Variants in RAP1B observed in about 807,000 individuals in gnomAD.
The protein encoded by RAP1B is RAP1B, member of RAS oncogene family.
In RAP1B, 1 loss-of-function variant was observed where a neutral mutation model predicts 27.5. The observed-to-expected ratio is 0.04, with a 90% confidence interval of 0.01 to 0.17. The LOEUF is 0.17. RAP1B is among the 10% of genes least tolerant of loss of function. RAP1B has a pLI of 1.00. For synonymous variants in RAP1B, 75 were observed against 73.1 expected (o/e 1.03, Z -0.13); for missense variants, 84 against 214.8 (o/e 0.39, Z 3.81).
chr12:68,617,537 A>C (rs1258008943), intron 1 of RAP1B, among the ~76,000 whole-genome samples: 3 of 152,208 alleles, frequency 2.0e-5, no homozygotes, highest in African/African-American at 7.2e-5. Context: ...TGTCTTTTTG[A>C]CGTTCTTACC....
Position 68,669,961 on chromosome 12 carries a change from AGTTTCCCTCTT to A in RAP1B, c.*10716_*10726del, listed in dbSNP as rs1875020342. ...TTTTTTTTTTTTTTTTTTTTGAGAC[AGTTTCCCTCTT>A]GTTGCCCAGACTGGAGTATAATGGC... On this transcript the variant is annotated 3_prime_UTR_variant, in exon 8 of 8. Coordinates refer to ENST00000250559, the MANE Select transcript of RAP1B (RefSeq NM_001010942.3). 8.9e-6 allele frequency: 1 copy of A among 112,492 alleles called. No individual in the cohort carries two copies. The highest frequency in any genetic ancestry group is 2.4e-4 in the East Asian group (1 of 4,202). 7.0% of individuals were successfully genotyped at this position (112,492 alleles called of 1,614,324 possible).
intron 1 of RAP1B, among the ~76,000 whole-genome samples, chr12:68,614,170 G>C (rs1246100923): frequency 1.3e-5 from 2 of 151,882 alleles, no homozygotes; most frequent in Admixed American, 6.5e-5. Flanking sequence ...GGTTTTTTTT[G>C]CCTTTTGTTG....
intron 1 of RAP1B, among the ~76,000 whole-genome samples, chr12:68,637,147 TATAGACCAA>T (rs1474776153): frequency 6.6e-6 from 1 of 152,216 alleles, no homozygotes; most frequent in Non-Finnish European, 1.5e-5. Flanking sequence ...AGCAAACATT[TATAGACCAA>T]ATAGTGGGTA....
intron 1 of RAP1B, among the ~76,000 whole-genome samples, chr12:68,646,845 AC>A (rs142591409): frequency 1.8e-3 from 269 of 152,298 alleles, no homozygotes; most frequent in African/African-American, 6.0e-3. Flanking sequence ...GAAAACAAAG[AC>A]CTTTTTATTT....
intron 5 of RAP1B, among the ~76,000 whole-genome samples, chr12:68,655,116 C>G (rs1183948795): frequency 6.6e-6 from 1 of 151,930 alleles, no homozygotes; most frequent in Non-Finnish European, 1.5e-5. Flanking sequence ...TTCAAGACCT[C>G]CCTGGGCAAC....
At position 68,662,946 on chromosome 12, in the gene RAP1B, G is replaced by T. The variant is rs532289051; in HGVS notation, c.*3697G>T. The T allele has an allele frequency of 6.6e-6, 1 of 151,760 alleles. No homozygotes were observed. Among genetic ancestry groups the T allele is most frequent in the Non-Finnish European group, 1.5e-5 (1 of 68,012 alleles). 9.4% of individuals were successfully genotyped at this position (151,760 alleles called of 1,614,324 possible). A position where few individuals can be genotyped will look rare whatever the true frequency, so the allele number is the denominator to read the frequency against. On this transcript the variant is annotated 3_prime_UTR_variant, in exon 8 of 8. Coordinates refer to ENST00000250559, the MANE Select transcript of RAP1B (RefSeq NM_001010942.3). ...ATCAAGGATACAGTGAACTGTGTTC[G>T]CGCCACTGCACCCCCACGATGGCAA...
chr12:68,653,208 C>G (rs185560845), intron 4 of RAP1B, among the ~76,000 whole-genome samples: 102 of 152,076 alleles, frequency 6.7e-4, no homozygotes, highest in Admixed American at 5.8e-3. Context: ...GACTCCATTT[C>G]AAAAGAAAAA....
In RAP1B at chr12:68,654,177, C is replaced by T. The variant is rs137877515; in HGVS notation, c.249C>T (p.Ser83=). 1,164 of 1,597,960 alleles carry T rather than the reference C, an allele frequency of 7.3e-4. 20 individuals are homozygous for T. The Admixed American group carries it at 0.018, about 25-fold the overall frequency. The part of the protein sequence containing the change: ...KNGQGFALVY[S]ITAQSTFNDL... The stretch of plus-strand genomic sequence containing the variant: ...GACAAGGATTTGCATTAGTTTATTC[C>T]ATCACAGCACAGTCCACATTTAACG... The change falls in exon 5 of 8, where the codon TCC becomes TCT. Residue 83 remains serine (S), a synonymous_variant. Transcript: ENST00000250559.
chr12:68,618,086 CTTTTTTTT>C (rs36224976), intron 1 of RAP1B, among the ~76,000 whole-genome samples: 863 of 60,812 alleles, frequency 0.014, 21 homozygotes, highest in African/African-American at 0.044. Flanking sequence ...TTCTATAAAG[CTTTTTTTT>C]TTTTTTTTTT....
intron 1 of RAP1B, among the ~76,000 whole-genome samples, chr12:68,630,737 G>GC (rs1872174652): frequency 6.6e-6 from 1 of 151,862 alleles, no homozygotes; most frequent in Non-Finnish European, 1.5e-5. Context: ...GAGTGAAGTG[G>GC]CGCTGTCACA....
chr12:68,654,374 T>C lies in RAP1B; in HGVS notation c.324+122T>C, dbSNP rs1054820897. Reference sequence around the variant, plus strand: ...GTTGGGGGGGGGGTGTTGGTTTTTTTAAACTTTTTCCTTGAAAGGCAAAAA... The same window carrying C: ...GTTGGGGGGGGGGTGTTGGTTTTTTCAAACTTTTTCCTTGAAAGGCAAAAA... On this transcript the variant is annotated intron_variant, in intron 5 of 7. Coordinates refer to ENST00000250559, the MANE Select transcript of RAP1B (RefSeq NM_001010942.3). 3.7e-5 allele frequency: 27 copies of C among 723,398 alleles called. No individual in the cohort carries two copies. In the African/African-American group the frequency reaches 4.9e-4, roughly 13 times the overall value. 44.8% of individuals were successfully genotyped at this position (723,398 alleles called of 1,614,324 possible).
At chr12:68,631,115 A>G (rs992894943) in intron 1 of RAP1B, among the ~76,000 whole-genome samples, 6 of 152,176 alleles carry the variant, frequency 3.9e-5, no homozygotes, top group African/African-American at 1.4e-4. Flanking sequence ...ATTAGATGCC[A>G]TGGTATCAAA....
chr12:68,634,611 T>G (rs1292890128), intron 1 of RAP1B, among the ~76,000 whole-genome samples: 1 of 151,966 alleles, frequency 6.6e-6, no homozygotes, highest in Non-Finnish European at 1.5e-5. Flanking sequence ...GTTTTTGAAT[T>G]GTTGGTCTCT....
At chr12:68,624,090 A>G (rs1871581080) in intron 1 of RAP1B, among the ~76,000 whole-genome samples, 1 of 152,080 alleles carries the variant, frequency 6.6e-6, no homozygotes, top group South Asian at 2.1e-4. Flanking sequence ...TTTATTCATT[A>G]CTGTTTGGAG....
chr12:68,654,359 G>GGC (rs1555173474), intron 5 of RAP1B, 107 bp downstream of exon 5: 1 of 441,292 alleles, frequency 2.3e-6, no homozygotes, highest in Non-Finnish European at 3.5e-6. Flanking sequence ...GTTGGGGGGG[G>GGC]GGTGTTGGTT....
chr12:68,625,983 CTGGTTA>C (rs1445283165), intron 1 of RAP1B, among the ~76,000 whole-genome samples: 2 of 152,016 alleles, frequency 1.3e-5, no homozygotes, highest in Non-Finnish European at 2.9e-5. Flanking sequence ...TCACCTGATC[CTGGTTA>C]TGAGGTTAAC....
intron 1 of RAP1B, among the ~76,000 whole-genome samples, chr12:68,631,434 T>C (rs1241842044): frequency 2.0e-5 from 3 of 152,240 alleles, no homozygotes; most frequent in African/African-American, 7.2e-5. Flanking sequence ...AAAGTATCTT[T>C]AGTTTTCTCA....
In RAP1B at chr12:68,639,879, G is replaced by C. The variant is rs955347241; in HGVS notation, c.-26-8820G>C. ...TTTTTGGGAGACTGAGTCCTGCTCTGTGCTAGGCTGGAGTGCAGTGGCACA... is the reference window on the plus strand; with the variant it reads ...TTTTTGGGAGACTGAGTCCTGCTCTCTGCTAGGCTGGAGTGCAGTGGCACA... On this transcript the variant is annotated intron_variant, in intron 1 of 7. Coordinates refer to ENST00000250559, the MANE Select transcript of RAP1B (RefSeq NM_001010942.3). Among the ~76,000 whole-genome samples, 4 of 149,036 alleles carry C rather than the reference G, an allele frequency of 2.7e-5. No individual in the cohort carries two copies. In the Admixed American group the frequency reaches 2.7e-4, roughly 10 times the overall value.
rs1243532499 is a variant in RAP1B at position 68,662,006 on chromosome 12, G to GTATATA, written c.*2758_*2759insATATAT. 1 of 81,838 alleles carries GTATATA rather than the reference G, an allele frequency of 1.2e-5. No homozygotes were observed. Among genetic ancestry groups the GTATATA allele is most frequent in the Non-Finnish European group, 3.0e-5 (1 of 33,822 alleles). The allele number at this position is 81,838 out of a possible 1,614,324, so 5.1% of individuals were successfully genotyped here. ...AATGAATGCCAGTGCTATCCTCTAGGTCTATATATATATATATATATATAT... is the reference window on the plus strand; with the variant it reads ...AATGAATGCCAGTGCTATCCTCTAGGTATATATCTATATATATATATATATATATAT... On this transcript the variant is annotated 3_prime_UTR_variant, in exon 8 of 8. Coordinates refer to ENST00000250559, the MANE Select transcript of RAP1B (RefSeq NM_001010942.3).
Sources: allele counts gnomAD v4.1 joint callset (sites outside exome capture counted in the v4.1 genomes callset), GRCh38; gene constraint gnomAD v4.1.1; transcripts MANE v1.5; gene names NCBI Gene and HGNC (gene_info 2026-07-23, HGNC 2026-07-21).